Variants in ATG4C observed in about 807,000 individuals in gnomAD.
ATG4C encodes cysteine protease ATG4C.
ATG4C carries 56 observed loss-of-function variants against 57.6 expected under a neutral mutation model. The observed-to-expected ratio is 0.97, with a 90% CI of 0.78 to 1.21. The LOEUF (loss-of-function observed/expected upper bound fraction) is 1.21. Among genes scored for constraint, ATG4C ranks in the 50% most tolerant of loss-of-function variants. The probability of loss-of-function intolerance (pLI) is 0.00; values close to 1 mark genes in which losing one functional copy is unlikely to be tolerated. For missense variants in ATG4C, 595 were observed against 529.8 expected (o/e 1.12, Z -1.21); for synonymous variants, 157 against 174.1 (o/e 0.90, Z 0.78).
At chr1:62,863,854 G>A (rs1269424639) in intron 10 of ATG4C, 138 bp from the exon 11 acceptor site, 2 of 546,362 alleles carry the variant, frequency 3.7e-6, no homozygotes, top group Non-Finnish European at 6.3e-6. Context: ...GCCAGAACAG[G>A]CAAAGGAGTA....
intron 10 of ATG4C, among the ~76,000 whole-genome samples, chr1:62,848,398 T>A (rs1406328783): frequency 5.9e-5 from 9 of 152,200 alleles, no homozygotes; most frequent in African/African-American, 2.2e-4. Context: ...ATTTTTTTCC[T>A]GTTTTACTCT....
intron 10 of ATG4C, among the ~76,000 whole-genome samples, chr1:62,863,692 C>G (rs981711271): frequency 6.6e-6 from 1 of 152,026 alleles, no homozygotes; most frequent in South Asian, 2.1e-4. Flanking sequence ...ACCTAACTCT[C>G]TAGTATTTCT....
At chr1:62,796,849 T>C (rs1429514195) in intron 1 of ATG4C, among the ~76,000 whole-genome samples, 1 of 152,234 alleles carries the variant, frequency 6.6e-6, no homozygotes, top group Non-Finnish European at 1.5e-5. Context: ...GGCTCACACC[T>C]GTAATCCCAG....
intron 1 of ATG4C, among the ~76,000 whole-genome samples, chr1:62,799,657 A>G (rs1664589537): frequency 6.6e-6 from 1 of 152,110 alleles, no homozygotes; most frequent in Admixed American, 6.5e-5. Flanking sequence ...GTAGGTGTAT[A>G]TATTTATGGG....
intron 10 of ATG4C, among the ~76,000 whole-genome samples, chr1:62,862,934 A>G (rs1018326183): frequency 6.6e-6 from 1 of 152,064 alleles, no homozygotes; most frequent in Non-Finnish European, 1.5e-5. Flanking sequence ...ATTATGTTGT[A>G]TATAAATACT....
intron 6 of ATG4C, among the ~76,000 whole-genome samples, chr1:62,826,599 C>T (rs1383731661): frequency 1.4e-5 from 2 of 147,342 alleles, no homozygotes; most frequent in Non-Finnish European, 3.0e-5. Context: ...TTTTTTCTTT[C>T]TTTTTTTTTT....
chr1:62,785,041 A>G (rs1440838882), intron 1 of ATG4C, among the ~76,000 whole-genome samples: 7 of 152,232 alleles, frequency 4.6e-5, no homozygotes, highest in Non-Finnish European at 1.0e-4. Context: ...CTATAGTTAC[A>G]GAAGAATACC....
At chr1:62,860,367 A>G (rs547095755) in intron 10 of ATG4C, among the ~76,000 whole-genome samples, 2 of 152,364 alleles carry the variant, frequency 1.3e-5, no homozygotes, top group South Asian at 4.1e-4. Context: ...TAAGTCATTT[A>G]TTATCAAATA....
intron 10 of ATG4C, among the ~76,000 whole-genome samples, chr1:62,863,380 T>C (rs1360678): frequency 0.45 from 68,563 of 151,800 alleles, 15,599 homozygotes; most frequent in East Asian, 0.67. Flanking sequence ...AACTTCATAT[T>C]ATTGCTTTTG....
intron 1 of ATG4C, among the ~76,000 whole-genome samples, chr1:62,791,923 G>A (rs1664287142): frequency 6.6e-6 from 1 of 151,804 alleles, no homozygotes; most frequent in Non-Finnish European, 1.5e-5. Context: ...CTCCTCTCTG[G>A]TATGTGGGCA....
intron 10 of ATG4C, among the ~76,000 whole-genome samples, chr1:62,862,396 A>T (rs181743920): frequency 6.6e-6 from 1 of 152,052 alleles, no homozygotes; most frequent in African/African-American, 2.4e-5. Flanking sequence ...TGATCTGAAA[A>T]TGATATGTGG....
chr1:62,827,768 C>G (rs1665710433), intron 6 of ATG4C, among the ~76,000 whole-genome samples: 1 of 151,298 alleles, frequency 6.6e-6, no homozygotes, highest in Non-Finnish European at 1.5e-5. Context: ...GGTATTAAGC[C>G]TGGTACCCAG....
intron 1 of ATG4C, among the ~76,000 whole-genome samples, chr1:62,786,987 G>A (rs546618225): frequency 6.6e-6 from 1 of 152,178 alleles, no homozygotes; most frequent in Admixed American, 6.5e-5. Context: ...ACTAGGCGAT[G>A]GATTAGATAT....
intron 10 of ATG4C, among the ~76,000 whole-genome samples, chr1:62,859,109 T>C (rs1666771487): frequency 1.3e-5 from 2 of 152,194 alleles, no homozygotes; most frequent in Non-Finnish European, 2.9e-5. Context: ...TCTGAAAATC[T>C]GAAATCCAAA....
rs947409553 is a variant in ATG4C, at chr1:62,812,724, G to A, written c.161-3851G>A. Among the ~76,000 whole-genome samples, 3 of 152,098 alleles carry A rather than the reference G, an allele frequency of 2.0e-5. No individual in the cohort carries two copies. In the South Asian group the frequency reaches 6.2e-4, roughly 32 times the overall value. On this transcript the variant is annotated intron_variant, in intron 3 of 10. Transcript: ENST00000317868. ...CATGATTGTATATTTAGAAAACCCT[G>A]TTGTCTCAGCCCAAAATCTCCTTAT...
Position 62,821,185 on chromosome 1 carries a change from A to G in ATG4C, c.772A>G (p.Ile258Val). Residue 258 changes from isoleucine to valine, a missense_variant, in exon 6 of 11, where the codon ATT becomes GTT. Ile to Val is a conservative substitution (Grantham distance 29, BLOSUM62 3). Coordinates refer to ENST00000317868, the MANE Select transcript of ATG4C (RefSeq NM_032852.4). ...GCATCCTGATTTACAAGGAATAACT[A>G]TTTATGTTGCACAAGATTGTACAGG... ...ARHPDLQGIT[I>V]YVAQDCTVYN... is the part of the protein sequence containing the mutation. The G allele has an allele frequency of 1.3e-6, 2 of 1,599,964 alleles. No individual in the cohort carries two copies. The highest frequency in any genetic ancestry group is 1.7e-6 in the Non-Finnish European group (2 of 1,174,748).
intron 1 of ATG4C, among the ~76,000 whole-genome samples, chr1:62,785,030 C>T (rs988974574): frequency 6.6e-6 from 1 of 152,162 alleles, no homozygotes; most frequent in African/African-American, 2.4e-5. Context: ...TCACTGCTAC[C>T]CTATAGTTAC....
At chr1:62,792,287 G>A (rs1269541734) in intron 1 of ATG4C, among the ~76,000 whole-genome samples, 1 of 152,162 alleles carries the variant, frequency 6.6e-6, no homozygotes, top group Non-Finnish European at 1.5e-5. Flanking sequence ...GAGCCACCAC[G>A]CCCGGCCTTA....
intron 10 of ATG4C, among the ~76,000 whole-genome samples, chr1:62,847,342 G>A (rs1666355712): frequency 6.6e-6 from 1 of 152,206 alleles, no homozygotes; most frequent in Admixed American, 6.5e-5. Context: ...TGGATATGCA[G>A]TGGTAAACAA....
Sources: gnomAD v4.1 joint callset for allele counts (sites outside exome capture counted in the v4.1 genomes callset) on GRCh38, gnomAD v4.1.1 for gene constraint, MANE v1.5 for transcripts, NCBI Gene and HGNC (gene_info 2026-07-23, HGNC 2026-07-21) for gene names.